ECT2L: variants seen among roughly 807,000 people sequenced by gnomAD.
The protein encoded by ECT2L is epithelial cell transforming 2 like.
In ECT2L, 126 loss-of-function variants were observed where a neutral mutation model predicts 122.8. That is an observed-to-expected ratio of 1.03 (90% CI 0.89 to 1.19). The LOEUF (loss-of-function observed/expected upper bound fraction) is 1.19. Ranked by LOEUF, ECT2L falls within the 50% of genes most tolerant of loss-of-function variation. The pLI is 0.00. For synonymous variants in ECT2L, 385 were observed against 381.8 expected (o/e 1.01, Z -0.10); for missense variants, 1,012 against 1,064.1 (o/e 0.95, Z 0.68).
intron 7 of ECT2L, among the ~76,000 whole-genome samples, chr6:138,844,795 C>CT (rs11398299): frequency 0.68 from 85,730 of 126,606 alleles, 29,831 homozygotes; most frequent in East Asian, 0.82. Flanking sequence ...TTTAAATGTT[C>CT]TTTTTTTTTT....
chr6:138,885,455 G>C (rs17067990), intron 16 of ECT2L, 51 bp from the exon 17 acceptor site: 55,886 of 1,565,106 alleles, frequency 0.036, 3,043 homozygotes, highest in East Asian at 0.22. Context: ...TGGAACAGTG[G>C]ACTTTACAAC....
intron 1 of ECT2L, among the ~76,000 whole-genome samples, chr6:138,805,951 G>T (rs983985380): frequency 6.6e-6 from 1 of 152,176 alleles, no homozygotes; most frequent in Non-Finnish European, 1.5e-5. Flanking sequence ...ATTGTTCCTG[G>T]CCATGTGCAC....
At chr6:138,868,403 G>A (rs1470783227) in intron 13 of ECT2L, among the ~76,000 whole-genome samples, 197 bp downstream of exon 13, 1 of 151,936 alleles carries the variant, frequency 6.6e-6, no homozygotes, top group Non-Finnish European at 1.5e-5. Flanking sequence ...AGACAAGTAG[G>A]AAAATCTTCT....
chr6:138,880,944 C>T lies in ECT2L; in HGVS notation c.1666-13C>T. On this transcript the variant is annotated splice_polypyrimidine_tract_variant and intron_variant, in intron 14 of 21. Coordinates refer to ENST00000541398, the MANE Select transcript of ECT2L (RefSeq NM_001077706.3). ...CTCCATCACTGACTTGAGTTCTTAA[C>T]ACTTCTCTACAGGAGAGAATACTCC... 1.2e-6 allele frequency: 2 copies of T among 1,601,848 alleles called. No homozygotes were observed. Among genetic ancestry groups the T allele is most frequent in the Non-Finnish European group, 1.7e-6 (2 of 1,172,840 alleles).
At position 138,901,135 on chromosome 6, in the gene ECT2L, C is replaced by G. The variant is rs770542188; in HGVS notation, c.2587+15C>G. 9.9e-6 allele frequency: 16 copies of G among 1,611,844 alleles called. No individual in the cohort carries two copies. The highest frequency in any genetic ancestry group is 1.4e-5 in the Non-Finnish European group (16 of 1,178,648). ...AGATTCCAAGTGTATGTATTCTTTT[C>G]CTTCCAAGAGACAGATACCTTCAAA... On this transcript the variant is annotated intron_variant, in intron 21 of 21. Coordinates refer to ENST00000541398, the MANE Select transcript of ECT2L (RefSeq NM_001077706.3).
In ECT2L at chr6:138,869,746, A is replaced by G. The variant is rs146380321; in HGVS notation, c.1578+1540A>G. Among the ~76,000 whole-genome samples the G allele has an allele frequency of 3.1e-3, 479 of 152,252 alleles. 2 individuals are homozygous for G. The highest frequency in any genetic ancestry group is 6.1e-3 in the Admixed American group (93 of 15,288). ...TGCTCAAACCTATAGCCTGAGGGGA[A>G]CCAAATTTGAGAGCCCCAGCATGTT... On this transcript the variant is annotated intron_variant, in intron 13 of 21. Transcript: ENST00000541398.
At chr6:138,799,551 G>A (rs867398748) in intron 1 of ECT2L, among the ~76,000 whole-genome samples, 11 of 151,356 alleles carry the variant, frequency 7.3e-5, no homozygotes, top group Admixed American at 2.0e-4. Context: ...CACCGCGCCC[G>A]GCCTCTTTTC....
chr6:138,816,493 T>A (rs950513577), intron 4 of ECT2L, among the ~76,000 whole-genome samples: 10 of 150,202 alleles, frequency 6.7e-5, no homozygotes, highest in African/African-American at 2.2e-4. Context: ...CCTTTAAACA[T>A]TTTTTTTTTG....
chr6:138,885,844 A>C lies in ECT2L; in HGVS notation c.2259+14A>C. On this transcript the variant is annotated intron_variant, in intron 18 of 21. Coordinates refer to ENST00000541398, the MANE Select transcript of ECT2L (RefSeq NM_001077706.3). ...TATATAGATCAGGTTGGTTGCTGAT[A>C]AGAATCTGTGTCCTTTAAACATGTT... 1 of 1,609,890 alleles carries C rather than the reference A, an allele frequency of 6.2e-7. No homozygotes were observed. Among genetic ancestry groups the C allele is most frequent in the South Asian group, 1.1e-5 (1 of 90,556 alleles).
chr6:138,848,469 G>A (rs1777311004), intron 8 of ECT2L, among the ~76,000 whole-genome samples: 1 of 152,132 alleles, frequency 6.6e-6, no homozygotes, highest in Non-Finnish European at 1.5e-5. Flanking sequence ...ATCTATATAT[G>A]TGAGTGTATA....
At chr6:138,865,910 C>T (rs1340184376) in intron 12 of ECT2L, among the ~76,000 whole-genome samples, 1 of 152,222 alleles carries the variant, frequency 6.6e-6, no homozygotes, top group Non-Finnish European at 1.5e-5. Flanking sequence ...TTTTCCTCTG[C>T]CCAGCTCCAT....
chr6:138,900,928 C>G lies in ECT2L; in HGVS notation c.2415-20C>G. 1 of 1,608,144 alleles carries G rather than the reference C, an allele frequency of 6.2e-7. No individual in the cohort carries two copies. The highest frequency in any genetic ancestry group is 1.7e-4 in the Middle Eastern group (1 of 6,028). ...ATGTATGTTATGTATTAAAACTGTA[C>G]CTTCTCCATTTTAACACAGGCTCTA... On this transcript the variant is annotated intron_variant, in intron 20 of 21. Coordinates refer to ENST00000541398, the MANE Select transcript of ECT2L (RefSeq NM_001077706.3).
intron 10 of ECT2L, 110 bp downstream of exon 10, chr6:138,854,264 T>G: frequency 7.7e-7 from 1 of 1,305,836 alleles, no homozygotes; most frequent in Non-Finnish European, 1.0e-6. Flanking sequence ...ATTTCACGCT[T>G]CAATTTCTTT....
intron 1 of ECT2L, among the ~76,000 whole-genome samples, chr6:138,801,221 C>T (rs1260265319): frequency 6.6e-6 from 1 of 152,090 alleles, no homozygotes; most frequent in African/African-American, 2.4e-5. Flanking sequence ...AAATACTTGC[C>T]AAATACCTAT....
intron 14 of ECT2L, among the ~76,000 whole-genome samples, chr6:138,878,322 CA>C (rs1290683590): frequency 1.2e-4 from 18 of 152,100 alleles, no homozygotes; most frequent in Non-Finnish European, 2.2e-4. Context: ...CACACACACA[CA>C]CACACACACA....
At position 138,900,959 on chromosome 6, in the gene ECT2L, A is replaced by C. The variant is rs753256512; in HGVS notation, c.2426A>C (p.His809Pro). ...EISFSLRLYE[H>P]IHDLSLFLFN... is the part of the protein sequence containing the mutation. ...CCATTTTAACACAGGCTCTATGAACACATCCATGATCTCAGCCTTTTCCTC... is the reference window on the plus strand; with the variant it reads ...CCATTTTAACACAGGCTCTATGAACCCATCCATGATCTCAGCCTTTTCCTC... Residue 809 changes from histidine (H) to proline (P), a missense_variant, in exon 21 of 22, where the codon CAC becomes CCC. By Grantham distance (77) the His-to-Pro change is moderately conservative. Coordinates refer to ENST00000541398, the MANE Select transcript of ECT2L (RefSeq NM_001077706.3). 3.1e-6 allele frequency: 5 copies of C among 1,613,884 alleles called. No individual in the cohort carries two copies. Among genetic ancestry groups the C allele is most frequent in the Non-Finnish European group, 3.4e-6 (4 of 1,179,920 alleles).
intron 12 of ECT2L, among the ~76,000 whole-genome samples, chr6:138,865,954 C>T (rs1309512571): frequency 1.3e-5 from 2 of 152,228 alleles, no homozygotes; most frequent in African/African-American, 4.8e-5. Context: ...ACCATCTACA[C>T]AAGAGCTGTA....
Position 138,882,831 on chromosome 6 carries a change from T to C in ECT2L, c.1988T>C (p.Phe663Ser), listed in dbSNP as rs762756058. 4 of 1,614,110 alleles carry C rather than the reference T, an allele frequency of 2.5e-6. No homozygotes were observed. In the African/African-American group the frequency reaches 5.3e-5, roughly 22 times the overall value. The change falls in exon 16 of 22, where the codon TTC becomes TCC. Residue 663 changes from phenylalanine (F) to serine (S), a missense_variant. Transcript: ENST00000541398. ...AGCCAGTTAAACACATATACCAATTTCTTCAACAATTACCCTGTCATTCTG... is the reference window on the plus strand; with the variant it reads ...AGCCAGTTAAACACATATACCAATTCCTTCAACAATTACCCTGTCATTCTG... ...FGSQLNTYTNFFNNYPVILKT... is the reference protein window; with the variant it reads ...FGSQLNTYTNSFNNYPVILKT...
chr6:138,861,370 C>T (rs923534806), intron 10 of ECT2L, among the ~76,000 whole-genome samples: 1 of 152,204 alleles, frequency 6.6e-6, no homozygotes, highest in African/African-American at 2.4e-5. Context: ...TCCTATTTCT[C>T]CACAGCCTCG....
Sources: allele counts gnomAD v4.1 joint callset (sites outside exome capture counted in the v4.1 genomes callset), GRCh38; gene constraint gnomAD v4.1.1; transcripts MANE v1.5; gene names NCBI Gene and HGNC (gene_info 2026-07-23, HGNC 2026-07-21).